XPO1: variants seen among roughly 807,000 people sequenced by gnomAD.
XPO1 encodes the protein exportin-1.
A neutral mutation model predicts 133.3 loss-of-function variants in XPO1; 5 were observed. The ratio of observed to expected loss-of-function variants is 0.04; its 90% confidence interval spans 0.02 to 0.08. XPO1 has a LOEUF of 0.08. Ranked by LOEUF, XPO1 falls within the 10% of genes least tolerant of loss-of-function variation. The pLI is 1.00. For missense variants in XPO1, 506 were observed against 1,267.5 expected, an observed-to-expected ratio of 0.40 and a Z score of 9.12; for synonymous variants, 419 against 408.2, an observed-to-expected ratio of 1.03 and a Z score of -0.32.
In XPO1 at chr2:61,496,735, T is replaced by C. The variant is rs746973614; in HGVS notation, c.888+144A>G. ...AAATTTTTGGAAACATCATAAAAAT[T>C]TGTAGCTTACTACAAATTTTATGTA... On this transcript the variant is annotated intron_variant, in intron 10 of 24. Coordinates refer to ENST00000401558, the MANE Select transcript of XPO1 (RefSeq NM_003400.4). 12 of 1,042,410 alleles carry C rather than the reference T, an allele frequency of 1.2e-5. 1 individual carries two copies. The highest frequency in any genetic ancestry group is 1.0e-4 in the South Asian group (4 of 38,236). 64.6% of individuals were successfully genotyped at this position (1,042,410 alleles called of 1,614,324 possible).
At chr2:61,494,243 G>A in intron 11 of XPO1, 152 bp from the exon 12 acceptor site, 1 of 672,050 alleles carries the variant, frequency 1.5e-6, no homozygotes, top group Non-Finnish European at 2.4e-6. Context: ...AGCAAACTCT[G>A]GAGTAACTCT....
At chr2:61,507,834 T>C (rs906389533) in intron 4 of XPO1, among the ~76,000 whole-genome samples, 6 of 151,894 alleles carry the variant, frequency 4.0e-5, no homozygotes, top group Admixed American at 3.9e-4. Flanking sequence ...GAAAGATGCA[T>C]TCCTAGTGAG....
rs747602581 is a variant in XPO1 at position 61,510,821 on chromosome 2, C to T, written c.302-8511G>A. On this transcript the variant is annotated intron_variant, in intron 4 of 24. Coordinates refer to ENST00000401558, the MANE Select transcript of XPO1 (RefSeq NM_003400.4). ...GGTATGATTCATGCGCACGTAGTCC[C>T]AGTTATGCAGGAGACTGACGCAGGA... is the stretch of plus-strand genomic sequence containing the variant. 4.0e-5 allele frequency among the ~76,000 whole-genome samples: 6 copies of T among 151,536 alleles called. No homozygotes were observed. In the Admixed American group the frequency reaches 4.0e-4, roughly 10 times the overall value.
intron 23 of XPO1, among the ~76,000 whole-genome samples, chr2:61,482,057 T>C (rs113655904): frequency 0.25 from 17,991 of 71,756 alleles, 1,793 homozygotes; most frequent in African/African-American, 0.39. Flanking sequence ...TTTTTTTTTT[T>C]GCTTTTTTAA....
intron 2 of XPO1, among the ~76,000 whole-genome samples, chr2:61,533,149 T>C (rs1699231801): frequency 6.6e-6 from 1 of 152,166 alleles, no homozygotes; most frequent in Admixed American, 6.5e-5. Flanking sequence ...ACTGCACTCC[T>C]GCCTGGACCA....
At chr2:61,493,633 C>G (rs921149889) in intron 12 of XPO1, 2 of 370,556 alleles carry the variant, frequency 5.4e-6, no homozygotes, top group Admixed American at 4.4e-5. Flanking sequence ...TTCCTAGACT[C>G]TGGTTTAGTA....
intron 2 of XPO1, among the ~76,000 whole-genome samples, chr2:61,531,295 G>A (rs895287512): frequency 2.0e-5 from 3 of 152,148 alleles, no homozygotes; most frequent in Admixed American, 6.5e-5. Context: ...TTTGTCACAT[G>A]ATCTATTAAC....
At chr2:61,501,696 C>G (rs1191779256) in intron 6 of XPO1, among the ~76,000 whole-genome samples, 1 of 138,858 alleles carries the variant, frequency 7.2e-6, no homozygotes, top group Non-Finnish European at 1.5e-5. Flanking sequence ...GCACTCCAGC[C>G]TGGGCAACAG....
rs746603948 is a variant in XPO1 at position 61,482,486 on chromosome 2, C to T, written c.2866G>A (p.Gly956Arg). Residue 956 changes from glycine to arginine, a missense_variant, in exon 23 of 25, where the codon GGA becomes AGA. Around this residue, in one of 6 missense-constraint regions of XPO1, gnomAD observed 203 missense variants for 365.9 expected, o/e 0.55. Coordinates refer to ENST00000401558, the MANE Select transcript of XPO1 (RefSeq NM_003400.4). ...GGATTTAATGATGTACTTATTTTTCCTTCTTCAACCAAATTAAACATATAT... is the reference window on the plus strand; with the variant it reads ...GGATTTAATGATGTACTTATTTTTCTTTCTTCAACCAAATTAAACATATAT... ...LAYMFNLVEE[G>R]KISTSLNPGN... 1 of 1,612,612 alleles carries T rather than the reference C, an allele frequency of 6.2e-7. No homozygotes were observed. Among genetic ancestry groups the T allele is most frequent in the Non-Finnish European group, 8.5e-7 (1 of 1,179,476 alleles).
chr2:61,525,352 A>G, intron 3 of XPO1: 3 of 988,820 alleles, frequency 3.0e-6, no homozygotes, highest in Non-Finnish European at 3.6e-6. Context: ...AGCAATCAAC[A>G]TAATGGAACA....
intron 4 of XPO1, among the ~76,000 whole-genome samples, chr2:61,513,874 T>C (rs112031399): frequency 4.2e-3 from 644 of 152,226 alleles, no homozygotes; most frequent in Non-Finnish European, 7.2e-3. Flanking sequence ...AATAAGGGAA[T>C]AGCCCAATAA....
At chr2:61,523,592 C>A (rs949901389) in intron 3 of XPO1, among the ~76,000 whole-genome samples, 7 of 152,138 alleles carry the variant, frequency 4.6e-5, no homozygotes, top group Non-Finnish European at 1.0e-4. Context: ...GAAGAATCAG[C>A]TATAATATCT....
chr2:61,503,552 G>C (rs1226026285), intron 4 of XPO1, among the ~76,000 whole-genome samples: 2 of 152,090 alleles, frequency 1.3e-5, no homozygotes, highest in African/African-American at 4.8e-5. Context: ...AGCCTCCCAA[G>C]TAGCTGGGAC....
intron 20 of XPO1, chr2:61,484,905 GGCACC>G (rs1458742829): frequency 1.3e-5 from 2 of 152,266 alleles, no homozygotes; most frequent in Non-Finnish European, 2.9e-5. Context: ...CGTGAGCCAC[GGCACC>G]CAGCCTAATC....
intron 20 of XPO1, chr2:61,484,471 TTA>T (rs1186082806): frequency 1.7e-5 from 3 of 177,844 alleles, no homozygotes; most frequent in Non-Finnish European, 1.2e-5. Context: ...AACGTATCTT[TTA>T]TCTCTTTTTT....
rs778406452 is a variant in XPO1 at position 61,492,756 on chromosome 2, G to A, written c.1385-8C>T. On this transcript the variant is annotated splice_polypyrimidine_tract_variant and splice_region_variant and intron_variant, in intron 13 of 24. Transcript: ENST00000401558. This position sits in a 1 kb window ranked among gnomAD's most constrained non-coding sequence, Gnocchi z 5.6. ...CCAGATGAGTAAGATAAACTACAAA[G>A]AAAAACATGGTTTCAAATGCAAATA... 6.2e-7 allele frequency: 1 copy of A among 1,608,266 alleles called. No homozygotes were observed. The highest frequency in any genetic ancestry group is 1.7e-5 in the Admixed American group (1 of 58,664).
At chr2:61,489,968 G>A (rs1573121466) in intron 17 of XPO1, among the ~76,000 whole-genome samples, 1 of 149,590 alleles carries the variant, frequency 6.7e-6, no homozygotes. Context: ...TTGACTCACT[G>A]CAAGCTCCGC....
At chr2:61,526,323 G>C (rs932836315) in intron 3 of XPO1, 97 bp downstream of exon 3, 1 of 1,466,974 alleles carries the variant, frequency 6.8e-7, no homozygotes, top group Admixed American at 3.1e-5. Flanking sequence ...AAAATAATTT[G>C]AGATAACAAA....
Position 61,478,793 on chromosome 2 carries a change from A to C in XPO1, c.*27T>G. 6.2e-7 allele frequency: 1 copy of C among 1,607,758 alleles called. No individual in the cohort carries two copies. The highest frequency in any genetic ancestry group is 8.5e-7 in the Non-Finnish European group (1 of 1,176,710). On this transcript the variant is annotated 3_prime_UTR_variant, in exon 25 of 25. Transcript: ENST00000401558. ...GTTTTCCTCTGCTAACGAGTTGCAG[A>C]GAAAAAAAACAGCATGAATTTGGAT...
Sources: allele counts gnomAD v4.1 joint callset (sites outside exome capture counted in the v4.1 genomes callset), GRCh38; gene constraint gnomAD v4.1.1; regional missense constraint gnomAD v4.1.1; non-coding constraint Gnocchi (gnomAD v3.1); transcripts MANE v1.5; gene names NCBI Gene and HGNC (gene_info 2026-07-23, HGNC 2026-07-21).